Variants in OR3A2 observed in about 807,000 individuals in gnomAD.
OR3A2 encodes the protein olfactory receptor family 3 subfamily A member 2, also known as olfactory receptor 3A2.
For missense variants in OR3A2, 318 were observed against 392.8 expected (o/e 0.81, Z 1.61); for synonymous variants, 126 against 159.3 (o/e 0.79, Z 1.57).
intron 2 of OR3A2, among the ~76,000 whole-genome samples, chr17:3,357,339 C>CA (rs2049472173): frequency 6.6e-6 from 1 of 151,654 alleles, no homozygotes; most frequent in South Asian, 2.1e-4. Flanking sequence ...GTGCAAGAAT[C>CA]AGAGACTTTC....
At chr17:3,287,822 T>TTA (rs938418763), upstream of OR3A2, among the ~76,000 whole-genome samples, 2 of 151,614 alleles carry the variant, frequency 1.3e-5, no homozygotes, top group Non-Finnish European at 2.9e-5. Flanking sequence ...TGTTTTTCTA[T>TTA]TATATATATA....
intron 3 of OR3A2, among the ~76,000 whole-genome samples, chr17:3,330,333 A>C (rs1404486175): frequency 1.3e-5 from 2 of 149,810 alleles, no homozygotes; most frequent in Non-Finnish European, 3.0e-5. Context: ...CCCATTATTA[A>C]AGTGTGGGAG....
chr17:3,337,258 ACTT>A (rs1280957543), intron 2 of OR3A2, among the ~76,000 whole-genome samples: 3 of 152,032 alleles, frequency 2.0e-5, no homozygotes, highest in South Asian at 2.1e-4. Flanking sequence ...GTTCTCCAGA[ACTT>A]CTTCATGTGC....
chr17:3,336,609 T>A (rs2049276176), intron 2 of OR3A2, among the ~76,000 whole-genome samples: 1 of 152,198 alleles, frequency 6.6e-6, no homozygotes, highest in South Asian at 2.1e-4. Context: ...GAAAATCTAC[T>A]TCATGCTCTA....
intron 3 of OR3A2, among the ~76,000 whole-genome samples, chr17:3,294,800 C>CG (rs1355851243): frequency 6.6e-6 from 1 of 152,014 alleles, no homozygotes; most frequent in African/African-American, 2.4e-5. Context: ...CTGCAGTCTC[C>CG]GGGGGAAGAA....
intron 1 of OR3A2, among the ~76,000 whole-genome samples, chr17:3,283,180 A>G (rs1245249344): frequency 1.3e-5 from 2 of 152,220 alleles, no homozygotes; most frequent in Non-Finnish European, 2.9e-5. Flanking sequence ...CATTTTCAAT[A>G]GCAATAATCA....
chr17:3,376,869 G>A lies in OR3A2; in HGVS notation c.-179+6935C>T, dbSNP rs538821809. On this transcript the variant is annotated intron_variant, in intron 2 of 4. Transcript: ENST00000573491. Reference sequence around the variant, plus strand: ...ATAAGGCCAGGGATGGCTTCCCTGGGCTTGGACTGGAGACCAGGGGTGCCT... The same window carrying A: ...ATAAGGCCAGGGATGGCTTCCCTGGACTTGGACTGGAGACCAGGGGTGCCT... 2.6e-5 allele frequency among the ~76,000 whole-genome samples: 4 copies of A among 152,234 alleles called. No individual in the cohort carries two copies. In the South Asian group the frequency reaches 8.3e-4, roughly 32 times the overall value.
intron 3 of OR3A2, among the ~76,000 whole-genome samples, chr17:3,300,718 T>C (rs1403821508): frequency 1.3e-5 from 2 of 152,028 alleles, no homozygotes. Context: ...ATACTTTAAG[T>C]TCTAGGGTAC....
At chr17:3,346,384 G>A (rs1301939731) in intron 2 of OR3A2, among the ~76,000 whole-genome samples, 1 of 152,114 alleles carries the variant, frequency 6.6e-6, no homozygotes, top group Non-Finnish European at 1.5e-5. Context: ...CAACCAGAGT[G>A]AATCCTAGGC....
At chr17:3,293,974 G>A (rs1444210896) in intron 3 of OR3A2, among the ~76,000 whole-genome samples, 3 of 152,100 alleles carry the variant, frequency 2.0e-5, no homozygotes, top group African/African-American at 4.8e-5. Flanking sequence ...TGGCCAGGGC[G>A]AGAACATTAG....
At chr17:3,299,136 T>A (rs1230771576) in intron 3 of OR3A2, among the ~76,000 whole-genome samples, 1 of 152,200 alleles carries the variant, frequency 6.6e-6, no homozygotes, top group African/African-American at 2.4e-5. Flanking sequence ...AATTTATTCA[T>A]CTTCACAAAG....
chr17:3,280,658 A>C (rs2048771608), intron 1 of OR3A2, among the ~76,000 whole-genome samples: 1 of 152,186 alleles, frequency 6.6e-6, no homozygotes, highest in Admixed American at 6.5e-5. Flanking sequence ...GAGGTTCTTT[A>C]AAAGCAATGT....
chr17:3,361,320 ATG>A (rs1458094047), intron 2 of OR3A2, among the ~76,000 whole-genome samples: 3 of 151,630 alleles, frequency 2.0e-5, no homozygotes, highest in African/African-American at 7.3e-5. Context: ...TTGGGCTGAC[ATG>A]ATGGGGTTTT....
chr17:3,327,048 T>TAGAAAA (rs1422466568), intron 3 of OR3A2, among the ~76,000 whole-genome samples: 1 of 83,822 alleles, frequency 1.2e-5, no homozygotes, highest in Non-Finnish European at 2.1e-5. Flanking sequence ...GCATGATTTA[T>TAGAAAA]AATCCTTTGG....
intron 2 of OR3A2, among the ~76,000 whole-genome samples, chr17:3,359,760 T>C (rs902202131): frequency 1.8e-4 from 27 of 151,726 alleles, no homozygotes; most frequent in Non-Finnish European, 3.7e-4. Context: ...TCATCCTTTT[T>C]TATGGCTGCA....
At chr17:3,376,011 G>A (rs1327018145) in intron 2 of OR3A2, among the ~76,000 whole-genome samples, 1 of 152,232 alleles carries the variant, frequency 6.6e-6, no homozygotes, top group Admixed American at 6.5e-5. Flanking sequence ...GGCAAAGAGT[G>A]AAATGGACTC....
At chr17:3,278,359 G>T (rs1288447744) in exon 2 of OR3A2, 1 of 1,614,110 alleles carries the variant, frequency 6.2e-7, no homozygotes. Context: ...AGCTGGAAGA[G>T]CTGTGGGAGG....
intron 3 of OR3A2, among the ~76,000 whole-genome samples, chr17:3,307,171 G>A (rs1210136916): frequency 6.6e-6 from 1 of 152,192 alleles, no homozygotes; most frequent in African/African-American, 2.4e-5. Context: ...CTCCTAGCCT[G>A]GCCCCAGGGA....
At chr17:3,371,992 T>C (rs1433408551) in intron 2 of OR3A2, among the ~76,000 whole-genome samples, 6 of 131,614 alleles carry the variant, frequency 4.6e-5, no homozygotes, top group Non-Finnish European at 8.0e-5. Context: ...CCAGACGGGG[T>C]GGCTGCCGGG....
Sources: gnomAD v4.1 joint callset for allele counts (sites outside exome capture counted in the v4.1 genomes callset) on GRCh38, gnomAD v4.1.1 for gene constraint, MANE v1.5 for transcripts, NCBI Gene and HGNC (gene_info 2026-07-23, HGNC 2026-07-21) for gene names.